The following CHCHD3 variants were observed in gnomAD, a reference collection of about 807,000 sequenced individuals.
CHCHD3 encodes the protein MICOS complex subunit MIC19.
A neutral mutation model predicts 38.2 loss-of-function variants in CHCHD3; 20 were observed. That is an observed-to-expected ratio of 0.52 (90% confidence interval 0.37 to 0.76). CHCHD3 has a LOEUF of 0.76. Ranked by LOEUF, CHCHD3 falls within the 30% of genes least tolerant of loss-of-function variation. CHCHD3 has a pLI of 0.00. For missense variants in CHCHD3, 245 were observed against 279.2 expected, an observed-to-expected ratio of 0.88 and a Z score of 0.87; for synonymous variants, 82 against 100.0, an observed-to-expected ratio of 0.82 and a Z score of 1.07.
At chr7:133,046,516 T>C (rs1003089930) in intron 2 of CHCHD3, among the ~76,000 whole-genome samples, 1 of 152,128 alleles carries the variant, frequency 6.6e-6, no homozygotes, top group African/African-American at 2.4e-5. Context: ...ATTACAAACT[T>C]GGGTTTTTTT....
rs140844979 is a variant in CHCHD3, at chr7:133,063,627, T to C, written c.169+6515A>G. 9.7e-4 allele frequency among the ~76,000 whole-genome samples: 148 copies of C among 152,302 alleles called. 2 individuals carry two copies. Among genetic ancestry groups the C allele is most frequent in the Non-Finnish European group, 4.4e-4 (30 of 68,030 alleles). On this transcript the variant is annotated intron_variant, in intron 2 of 7. Coordinates refer to ENST00000262570, the MANE Select transcript of CHCHD3 (RefSeq NM_017812.4). ...TTAGTACTATGGTGGAAAATACATA[T>C]TCTTACCACTCGGATTTGTTTATTG...
At chr7:132,876,081 A>C (rs1808889941) in intron 5 of CHCHD3, among the ~76,000 whole-genome samples, 1 of 152,234 alleles carries the variant, frequency 6.6e-6, no homozygotes, top group South Asian at 2.1e-4. Context: ...AATTTCCTTT[A>C]AAAAATTTAA....
intron 1 of CHCHD3, among the ~76,000 whole-genome samples, chr7:133,078,520 T>C (rs572958006): frequency 1.8e-4 from 27 of 152,088 alleles, no homozygotes; most frequent in Non-Finnish European, 3.5e-4. Context: ...AACCTCATAA[T>C]TGCCAACATA....
intron 2 of CHCHD3, among the ~76,000 whole-genome samples, chr7:133,033,087 G>C (rs1813546104): frequency 6.6e-6 from 1 of 152,128 alleles, no homozygotes; most frequent in Non-Finnish European, 1.5e-5. Flanking sequence ...ATCTCATTAT[G>C]TAAACGTTCA....
At chr7:133,028,363 T>C (rs1015726068) in intron 2 of CHCHD3, among the ~76,000 whole-genome samples, 4 of 152,176 alleles carry the variant, frequency 2.6e-5, no homozygotes, top group African/African-American at 7.2e-5. Context: ...CTAAGTAAAC[T>C]AATAAAATTG....
chr7:132,803,781 C>CAAA (rs1481946637), intron 6 of CHCHD3, among the ~76,000 whole-genome samples: 1 of 146,056 alleles, frequency 6.8e-6, no homozygotes, highest in Non-Finnish European at 1.5e-5. Flanking sequence ...ACACTCTTCC[C>CAAA]GGTGGTGGGT....
chr7:132,817,145 C>T (rs1045936961), intron 6 of CHCHD3, among the ~76,000 whole-genome samples: 2 of 152,120 alleles, frequency 1.3e-5, no homozygotes, highest in African/African-American at 4.8e-5. Flanking sequence ...GGGCAGCACT[C>T]ATCTGCTTTA....
chr7:133,049,124 C>T (rs549761275), intron 2 of CHCHD3, among the ~76,000 whole-genome samples: 1 of 152,334 alleles, frequency 6.6e-6, no homozygotes, highest in South Asian at 2.1e-4. Context: ...TCTCTCTATA[C>T]AAACATAACA....
chr7:132,859,598 C>G (rs1808431782), intron 5 of CHCHD3, among the ~76,000 whole-genome samples: 1 of 152,228 alleles, frequency 6.6e-6, no homozygotes, highest in South Asian at 2.1e-4. Flanking sequence ...AGAAGACGCT[C>G]TTAATAATCT....
intron 3 of CHCHD3, among the ~76,000 whole-genome samples, chr7:132,989,131 C>T (rs1319180454): frequency 6.6e-6 from 1 of 151,988 alleles, no homozygotes; most frequent in Non-Finnish European, 1.5e-5. Flanking sequence ...TTTTGGAATC[C>T]TTAGGGATCC....
At chr7:132,921,242 A>C (rs6969614) in intron 4 of CHCHD3, among the ~76,000 whole-genome samples, 11,041 of 152,256 alleles carry the variant, frequency 0.073, 951 homozygotes, top group East Asian at 0.2. Flanking sequence ...TTAAGCAAAA[A>C]GTTAAACTAC....
chr7:132,976,218 C>CTT (rs147435059), intron 3 of CHCHD3, among the ~76,000 whole-genome samples: 1 of 151,860 alleles, frequency 6.6e-6, no homozygotes, highest in Non-Finnish European at 1.5e-5. Context: ...CTGCAGGGCT[C>CTT]CTCACTTCTG....
At chr7:132,879,670 C>T (rs961617717) in intron 5 of CHCHD3, among the ~76,000 whole-genome samples, 1 of 115,278 alleles carries the variant, frequency 8.7e-6, no homozygotes. Context: ...GAACACACAA[C>T]GATCCAAACT....
At chr7:132,898,528 G>C (rs971690036) in intron 4 of CHCHD3, among the ~76,000 whole-genome samples, 7 of 152,242 alleles carry the variant, frequency 4.6e-5, no homozygotes, top group Non-Finnish European at 5.9e-5. Flanking sequence ...AGACTCAGGA[G>C]CCCAGCTGGC....
chr7:132,875,005 G>C (rs963226391), intron 5 of CHCHD3, among the ~76,000 whole-genome samples: 3 of 152,094 alleles, frequency 2.0e-5, no homozygotes, highest in Non-Finnish European at 4.4e-5. Flanking sequence ...AATTCCAACA[G>C]TGAAATTCTA....
chr7:133,041,219 G>C (rs1384746997), intron 2 of CHCHD3, among the ~76,000 whole-genome samples: 1 of 152,140 alleles, frequency 6.6e-6, no homozygotes, highest in East Asian at 1.9e-4. Context: ...ATTGTTGTGA[G>C]AATTATATCA....
intron 4 of CHCHD3, among the ~76,000 whole-genome samples, chr7:132,954,140 C>G (rs1811102057): frequency 6.6e-6 from 1 of 152,116 alleles, no homozygotes; most frequent in Non-Finnish European, 1.5e-5. Flanking sequence ...GTTAGGGCAG[C>G]AGCAGGCCTG....
intron 2 of CHCHD3, among the ~76,000 whole-genome samples, chr7:133,042,939 A>T (rs1025181358): frequency 6.6e-6 from 1 of 152,020 alleles, no homozygotes; most frequent in African/African-American, 2.4e-5. Flanking sequence ...CAAACACGGC[A>T]CACTGTAGCA....
Position 133,082,047 on chromosome 7 carries a change from AG to A in CHCHD3, c.-111del. 3.9e-6 allele frequency: 4 copies of A among 1,023,980 alleles called. No individual in the cohort carries two copies. The highest frequency in any genetic ancestry group is 5.6e-6 in the Non-Finnish European group (4 of 720,718). The allele number at this position is 1,023,980 out of a possible 1,614,324, so 63.4% of individuals were successfully genotyped here. ...CTGGATTCTTTTCCCGCACAGCGGGAGCAAGGCCACGACCCCCAGAAGCAAG... is the reference window on the plus strand; with the variant it reads ...CTGGATTCTTTTCCCGCACAGCGGGACAAGGCCACGACCCCCAGAAGCAAG... On this transcript the variant is annotated 5_prime_UTR_variant, in exon 1 of 8. Coordinates refer to ENST00000262570, the MANE Select transcript of CHCHD3 (RefSeq NM_017812.4).
Sources: allele counts gnomAD v4.1 joint callset (sites outside exome capture counted in the v4.1 genomes callset), GRCh38; gene constraint gnomAD v4.1.1; transcripts MANE v1.5; gene names NCBI Gene and HGNC (gene_info 2026-07-23, HGNC 2026-07-21).